The following SASH1 variants were observed in gnomAD, a reference collection of about 807,000 sequenced individuals.
SASH1 encodes SAM and SH3 domain-containing protein 1.
SASH1 carries 44 observed loss-of-function variants against 125.2 expected under a neutral mutation model. The observed-to-expected ratio is 0.35, with a 90% CI of 0.28 to 0.45. The LOEUF (loss-of-function observed/expected upper bound fraction) is 0.45. Among genes scored for constraint, SASH1 ranks in the 20% least tolerant of loss-of-function variants. The pLI is 1.00. For synonymous variants in SASH1, 639 were observed against 649.1 expected (o/e 0.98, Z 0.24); for missense variants, 1,426 against 1,614.5 (o/e 0.88, Z 2.00).
the SASH1 span, among the ~76,000 whole-genome samples, chr6:148,211,726 G>A: frequency 6.6e-6 from 1 of 152,188 alleles, no homozygotes; most frequent in Non-Finnish European, 1.5e-5. Flanking sequence ...TGAAGCCCCT[G>A]TGTGTCTCAT....
chr6:148,481,538 C>T (rs1212230573), intron 7 of SASH1, among the ~76,000 whole-genome samples: 1 of 152,124 alleles, frequency 6.6e-6, no homozygotes, highest in Admixed American at 6.5e-5. Flanking sequence ...TGCTACTCTT[C>T]CTTACAATTT....
chr6:148,322,942 C>G (rs1291804405), intron 1 of SASH1, among the ~76,000 whole-genome samples: 2 of 132,444 alleles, frequency 1.5e-5, no homozygotes, highest in East Asian at 2.0e-4. Context: ...TCTTTTCCTT[C>G]CTTCCTTCCT....
intron 8 of SASH1, among the ~76,000 whole-genome samples, chr6:148,508,012 G>C (rs985925800): frequency 6.6e-6 from 1 of 152,176 alleles, no homozygotes; most frequent in African/African-American, 2.4e-5. Context: ...TGGCTCCCCT[G>C]AGGTCCTTGA....
At chr6:148,244,866 T>C in the SASH1 span, among the ~76,000 whole-genome samples, 2 of 151,794 alleles carry the variant, frequency 1.3e-5, no homozygotes, top group South Asian at 4.2e-4. Flanking sequence ...CCCTAAGCTG[T>C]TCACAGGTTC....
intron 8 of SASH1, among the ~76,000 whole-genome samples, chr6:148,500,159 C>A (rs979245123): frequency 6.6e-6 from 1 of 151,680 alleles, no homozygotes; most frequent in African/African-American, 2.4e-5. Context: ...ATCACGTTCT[C>A]CATTTGTGCT....
chr6:148,387,684 C>A (rs1783523263), intron 1 of SASH1, among the ~76,000 whole-genome samples: 1 of 106,328 alleles, frequency 9.4e-6, no homozygotes, highest in East Asian at 2.5e-4. Context: ...TTCTTTCTTT[C>A]TTTCTTTCGG....
At chr6:148,271,914 G>A (rs750502744), upstream of SASH1, among the ~76,000 whole-genome samples, 15 of 152,112 alleles carry the variant, frequency 9.9e-5, no homozygotes, top group South Asian at 2.1e-4. Flanking sequence ...GCCAAACACC[G>A]TGCTGAGAGT....
intron 1 of SASH1, among the ~76,000 whole-genome samples, chr6:148,368,785 C>CACAG (rs2114737961): frequency 6.6e-6 from 1 of 152,098 alleles, no homozygotes; most frequent in South Asian, 2.1e-4. Context: ...CACACACACA[C>CACAG]ACACACACAC....
intron 2 of SASH1, among the ~76,000 whole-genome samples, chr6:148,397,573 G>A (rs927733280): frequency 2.0e-5 from 3 of 152,098 alleles, no homozygotes; most frequent in Admixed American, 6.6e-5. Context: ...ATATACCCAC[G>A]TCACCCGCAG....
intron 1 of SASH1, among the ~76,000 whole-genome samples, chr6:148,278,350 T>G (rs1779246366): frequency 1.3e-5 from 2 of 152,176 alleles, no homozygotes; most frequent in African/African-American, 4.8e-5. Context: ...AGAGGCTTAT[T>G]AAATGTCTGC....
chr6:148,281,648 C>T (rs916177397), intron 1 of SASH1, among the ~76,000 whole-genome samples: 2 of 152,076 alleles, frequency 1.3e-5, no homozygotes, highest in African/African-American at 4.8e-5. Flanking sequence ...CCAGGCCGGG[C>T]GCGGTGGCTC....
At chr6:148,378,541 G>A (rs1360796792) in intron 1 of SASH1, among the ~76,000 whole-genome samples, 2 of 152,100 alleles carry the variant, frequency 1.3e-5, no homozygotes, top group Non-Finnish European at 2.9e-5. Context: ...ATTTTTCTTG[G>A]TAGAACTGGG....
At chr6:148,528,398 A>G (rs796699937) in intron 12 of SASH1, among the ~76,000 whole-genome samples, 6 of 152,278 alleles carry the variant, frequency 3.9e-5, no homozygotes, top group African/African-American at 1.2e-4. Flanking sequence ...TAGGTAATGC[A>G]CTTTATCTAC....
At chr6:148,442,798 G>A (rs1286262168) in intron 4 of SASH1, among the ~76,000 whole-genome samples, 2 of 151,334 alleles carry the variant, frequency 1.3e-5, no homozygotes, top group Admixed American at 6.6e-5. Context: ...TTTTGAGAGG[G>A]AGTATCGCTC....
chr6:148,467,356 T>C (rs1211004784), intron 4 of SASH1, among the ~76,000 whole-genome samples: 3 of 151,978 alleles, frequency 2.0e-5, no homozygotes, highest in African/African-American at 4.8e-5. Context: ...CTCGTTCCCT[T>C]TTTGATACAA....
chr6:148,412,854 G>A (rs1381336157), intron 2 of SASH1, among the ~76,000 whole-genome samples: 1 of 152,060 alleles, frequency 6.6e-6, no homozygotes, highest in East Asian at 1.9e-4. Flanking sequence ...ACAGAGAAAG[G>A]GTCATAGGAA....
intron 1 of SASH1, among the ~76,000 whole-genome samples, chr6:148,329,920 T>C (rs72563841): frequency 0.081 from 12,331 of 152,080 alleles, 715 homozygotes; most frequent in East Asian, 0.31. Flanking sequence ...ATTTTACTAG[T>C]ATAAAAATCA....
intron 10 of SASH1, among the ~76,000 whole-genome samples, chr6:148,520,887 A>T (rs1780766812): frequency 6.6e-6 from 1 of 152,228 alleles, no homozygotes; most frequent in African/African-American, 2.4e-5. Flanking sequence ...TTTTATTAGT[A>T]GAGGCAAGCA....
intron 8 of SASH1, among the ~76,000 whole-genome samples, chr6:148,498,925 C>T (rs1021274242): frequency 1.1e-4 from 16 of 152,204 alleles, no homozygotes; most frequent in East Asian, 3.9e-4. Flanking sequence ...TATTGTTATT[C>T]GTAAGTAGAA....
Sources: gnomAD v4.1 joint callset for allele counts (sites outside exome capture counted in the v4.1 genomes callset) on GRCh38, gnomAD v4.1.1 for gene constraint, MANE v1.5 for transcripts, NCBI Gene and HGNC (gene_info 2026-07-23, HGNC 2026-07-21) for gene names.